FOXP2: variants seen among roughly 807,000 people sequenced by gnomAD.
FOXP2 encodes the protein forkhead box P2.
A neutral mutation model predicts 115.8 loss-of-function variants in FOXP2; 12 were observed. That is an observed-to-expected ratio of 0.10 (90% CI 0.07 to 0.17). The LOEUF (loss-of-function observed/expected upper bound fraction) is 0.17, where lower values mean the gene tolerates loss of function less well. FOXP2 is among the 10% of genes least tolerant of loss of function. FOXP2 has a pLI of 1.00. For synonymous variants in FOXP2, 328 were observed against 297.7 expected (o/e 1.10, Z -1.05); for missense variants, 629 against 843.5 (o/e 0.75, Z 3.15).
At chr7:114,489,434 A>G (rs906707777) in intron 2 of FOXP2, among the ~76,000 whole-genome samples, 7 of 152,072 alleles carry the variant, frequency 4.6e-5, no homozygotes, top group African/African-American at 1.4e-4. Context: ...GTAGTCTGAA[A>G]TTGGTTCTAT....
chr7:114,323,487 C>A (rs2129181738), intron 2 of FOXP2, among the ~76,000 whole-genome samples: 1 of 151,864 alleles, frequency 6.6e-6, no homozygotes, highest in East Asian at 1.9e-4. Flanking sequence ...CATATATATC[C>A]AAAAAGAGTG....
At chr7:114,324,236 C>T (rs965827514) in intron 2 of FOXP2, among the ~76,000 whole-genome samples, 2 of 151,662 alleles carry the variant, frequency 1.3e-5, no homozygotes, top group Non-Finnish European at 3.0e-5. Context: ...TGACCATATC[C>T]CAGTCTCTTT....
chr7:114,159,059 T>C (rs970463367), upstream of FOXP2, among the ~76,000 whole-genome samples: 15 of 152,122 alleles, frequency 9.9e-5, no homozygotes, highest in Non-Finnish European at 1.8e-4. Flanking sequence ...TCGAGAATCA[T>C]TTGCAACAAG....
chr7:114,665,080 C>T (rs1807092026), intron 16 of FOXP2: 1 of 152,284 alleles, frequency 6.6e-6, no homozygotes, highest in Non-Finnish European at 1.5e-5. Context: ...TAAAATCTTT[C>T]CCCTACCATC....
At chr7:114,529,422 C>T (rs1404707987) in intron 2 of FOXP2, among the ~76,000 whole-genome samples, 1 of 151,790 alleles carries the variant, frequency 6.6e-6, no homozygotes, top group Non-Finnish European at 1.5e-5. Context: ...GGCTCTACAT[C>T]ATAAGATATT....
At chr7:114,609,791 G>C (rs138956187) in intron 3 of FOXP2, among the ~76,000 whole-genome samples, 2 of 152,282 alleles carry the variant, frequency 1.3e-5, no homozygotes, top group South Asian at 4.1e-4. Flanking sequence ...GGTTGTGTAC[G>C]TAGTCTTCAA....
chr7:114,288,880 T>C (rs928419740), intron 2 of FOXP2, among the ~76,000 whole-genome samples: 6 of 151,816 alleles, frequency 4.0e-5, no homozygotes, highest in Middle Eastern at 3.2e-3. Context: ...TAGTAGTTTA[T>C]ATCATTTCTT....
chr7:114,330,513 T>G (rs1422324879), intron 2 of FOXP2, among the ~76,000 whole-genome samples: 1 of 149,614 alleles, frequency 6.7e-6, no homozygotes, highest in Non-Finnish European at 1.5e-5. Context: ...TATATATATA[T>G]GTACACACAC....
intron 1 of FOXP2, among the ~76,000 whole-genome samples, chr7:114,426,063 A>G (rs1340605196): frequency 6.6e-6 from 1 of 151,686 alleles, no homozygotes; most frequent in Non-Finnish European, 1.5e-5. Flanking sequence ...AGCCTTGCAT[A>G]AGATGTGCTG....
At position 114,684,628 on chromosome 7, in the gene FOXP2, A is replaced by T. The variant is rs572740939; in HGVS notation, c.2004-5154A>T. Among the ~76,000 whole-genome samples, 4 of 152,336 alleles carry T rather than the reference A, an allele frequency of 2.6e-5. No homozygotes were observed. The South Asian group carries it at 8.3e-4, about 32-fold the overall frequency. ...GCTATTATATTAACCTTAGGAGTTT[A>T]TTCTAATTATTTCCAGCACTTAAGA... On this transcript the variant is annotated intron_variant, in intron 16 of 16. Coordinates refer to ENST00000350908, the MANE Select transcript of FOXP2 (RefSeq NM_014491.4).
At chr7:114,449,350 A>G (rs1356925587) in intron 2 of FOXP2, among the ~76,000 whole-genome samples, 4 of 152,174 alleles carry the variant, frequency 2.6e-5, no homozygotes, top group African/African-American at 9.6e-5. Context: ...AATTGAAAAT[A>G]CAAATAATGC....
At chr7:114,086,392 C>A, upstream of FOXP2, 1 of 362,224 alleles carries the variant, frequency 2.8e-6, no homozygotes. Flanking sequence ...GCTCTAGCCC[C>A]GCGCCACCCG....
chr7:114,612,290 C>T (rs1376477151), intron 3 of FOXP2, among the ~76,000 whole-genome samples: 1 of 146,178 alleles, frequency 6.8e-6, no homozygotes, highest in Non-Finnish European at 1.5e-5. Flanking sequence ...ACAGGGCATC[C>T]TTGCTCATCC....
chr7:114,499,222 T>G (rs963600328), intron 2 of FOXP2: 4 of 328,490 alleles, frequency 1.2e-5, no homozygotes, highest in African/African-American at 8.5e-5. Flanking sequence ...CCCAGAGTGA[T>G]TATGGAGGAT....
At chr7:114,300,629 C>T (rs1796855840) in intron 2 of FOXP2, among the ~76,000 whole-genome samples, 1 of 152,018 alleles carries the variant, frequency 6.6e-6, no homozygotes, top group Non-Finnish European at 1.5e-5. Context: ...CCTCATTCCT[C>T]AAGCATTCTT....
At position 114,560,377 on chromosome 7, in the gene FOXP2, G is replaced by A. The variant is rs1235436389; in HGVS notation, c.258+25671G>A. On this transcript the variant is annotated intron_variant, in intron 3 of 16. Coordinates refer to ENST00000350908, the MANE Select transcript of FOXP2 (RefSeq NM_014491.4). ...TCCCAGCACTTTGGGATGCAGAGGCGGGTGGATCCCCTGAGGCCAGGAGTT... is the reference window on the plus strand; with the variant it reads ...TCCCAGCACTTTGGGATGCAGAGGCAGGTGGATCCCCTGAGGCCAGGAGTT... Among the ~76,000 whole-genome samples, 5 of 152,126 alleles carry A rather than the reference G, an allele frequency of 3.3e-5. 1 individual carries two copies. Among genetic ancestry groups the A allele is most frequent in the South Asian group, 4.1e-4 (2 of 4,832 alleles).
intron 3 of FOXP2, among the ~76,000 whole-genome samples, chr7:114,557,241 G>C (rs1393712704): frequency 6.6e-6 from 1 of 152,160 alleles, no homozygotes; most frequent in South Asian, 2.1e-4. Context: ...GAGATTGGAA[G>C]CTGGTTTAAT....
intron 1 of FOXP2, among the ~76,000 whole-genome samples, chr7:114,232,538 G>A (rs886830539): frequency 3.9e-5 from 6 of 152,134 alleles, no homozygotes; most frequent in African/African-American, 1.4e-4. Context: ...AGCAGGCCCG[G>A]CAGGGTGGCT....
In FOXP2 at chr7:114,175,127, T is replaced by C. The variant is rs138010556; in HGVS notation, c.-102+12039T>C. On this transcript the variant is annotated intron_variant, in intron 1 of 17. Coordinates refer to the FOXP2 transcript ENST00000634411. The stretch of plus-strand genomic sequence containing the variant: ...AGCCTGATTTTAAGTGATTTTTTTT[T>C]TCAAACGCAAACTACTTAAAACCTG... 2.8e-3 allele frequency among the ~76,000 whole-genome samples: 433 copies of C among 152,204 alleles called. 2 individuals carry two copies. The highest frequency in any genetic ancestry group is 1.0e-2 in the African/African-American group (414 of 41,560).
Sources: allele counts gnomAD v4.1 joint callset (sites outside exome capture counted in the v4.1 genomes callset), GRCh38; gene constraint gnomAD v4.1.1; transcripts MANE v1.5; gene names NCBI Gene and HGNC (gene_info 2026-07-23, HGNC 2026-07-21).